The following CALN1 variants were observed in gnomAD, a reference collection of about 807,000 sequenced individuals.
CALN1 encodes calcium-binding protein 8.
In CALN1, 17 loss-of-function variants were observed where a neutral mutation model predicts 30.6. That is an observed-to-expected ratio of 0.56 (90% CI 0.38 to 0.83). The LOEUF is 0.83. CALN1 is among the 40% of genes least tolerant of loss of function. CALN1 has a pLI of 0.00. For missense variants in CALN1, 291 were observed against 354.9 expected (o/e 0.82, Z 1.45); for synonymous variants, 156 against 131.4 (o/e 1.19, Z -1.28).
At chr7:71,909,631 G>C (rs910047246) in intron 5 of CALN1, among the ~76,000 whole-genome samples, 1 of 152,190 alleles carries the variant, frequency 6.6e-6, no homozygotes, top group Non-Finnish European at 1.5e-5. Context: ...TACAATGACA[G>C]GCTTCCATAC....
At chr7:71,873,545 G>A (rs17340639) in intron 5 of CALN1, among the ~76,000 whole-genome samples, 27,434 of 152,134 alleles carry the variant, frequency 0.18, 2,836 homozygotes, top group Non-Finnish European at 0.23. Context: ...TCTCAAAAGC[G>A]TAGTGCATAA....
At chr7:72,477,417 C>T in the CALN1 span, among the ~76,000 whole-genome samples, 1 of 152,086 alleles carries the variant, frequency 6.6e-6, no homozygotes, top group East Asian at 1.9e-4. Context: ...TCTCCTTACC[C>T]CTTTTTTAAT....
In CALN1 at chr7:71,784,805, T is replaced by TG; in HGVS notation, c.*2969dup. On this transcript the variant is annotated 3_prime_UTR_variant, in exon 7 of 7. Transcript: ENST00000395275. ...AATTCCTGCGGAAGTCACTTCCAGC[T>TG]GGGGCTACATGGCATCCCTTGGGCA... is the stretch of plus-strand genomic sequence containing the variant. The TG allele has an allele frequency of 2.5e-6, 1 of 398,648 alleles. No homozygotes were observed. Among genetic ancestry groups the TG allele is most frequent in the Non-Finnish European group, 4.4e-6 (1 of 226,110 alleles). The allele number at this position is 398,648 out of a possible 1,614,324, so 24.7% of individuals were successfully genotyped here. A position where few individuals can be genotyped will look rare whatever the true frequency, so the allele number is the denominator to read the frequency against.
At chr7:72,433,595 GA>G (rs1438871463) in intron 1 of CALN1, among the ~76,000 whole-genome samples, 3 of 152,060 alleles carry the variant, frequency 2.0e-5, no homozygotes, top group Admixed American at 6.6e-5. Context: ...AGAGACTCCA[GA>G]AAACTCTCAG....
At chr7:72,393,448 A>T (rs1206049686) in intron 2 of CALN1, among the ~76,000 whole-genome samples, 1 of 152,196 alleles carries the variant, frequency 6.6e-6, no homozygotes, top group Non-Finnish European at 1.5e-5. Flanking sequence ...TGGGAGAGAG[A>T]GCAAGACTCC....
chr7:72,100,044 G>A (rs1398633526), intron 4 of CALN1, among the ~76,000 whole-genome samples: 1 of 152,044 alleles, frequency 6.6e-6, no homozygotes, highest in Non-Finnish European at 1.5e-5. Context: ...AATCAGGGAG[G>A]ATTTGCAATA....
At chr7:71,972,073 C>A (rs923607252) in intron 5 of CALN1, among the ~76,000 whole-genome samples, 3 of 151,400 alleles carry the variant, frequency 2.0e-5, no homozygotes, top group African/African-American at 7.3e-5. Flanking sequence ...TCAAGCTCAA[C>A]CCAACTAAAA....
intron 3 of CALN1, among the ~76,000 whole-genome samples, chr7:72,273,763 A>G (rs1238062634): frequency 4.6e-5 from 7 of 152,016 alleles, no homozygotes; most frequent in Admixed American, 3.9e-4. Context: ...TTCCTGCCTC[A>G]GCCTCCCAAA....
the CALN1 span, among the ~76,000 whole-genome samples, chr7:72,487,413 C>T: frequency 0.039 from 5,939 of 151,790 alleles, 367 homozygotes; most frequent in East Asian, 0.25. Flanking sequence ...TGGCCAGGTG[C>T]GGTGGCTCAT....
intron 5 of CALN1, among the ~76,000 whole-genome samples, chr7:71,886,309 C>G (rs1277129345): frequency 6.6e-6 from 1 of 152,234 alleles, no homozygotes; most frequent in Non-Finnish European, 1.5e-5. Flanking sequence ...ATAGGCTGGC[C>G]TGAAGTGCCC....
In CALN1 at chr7:72,163,075, G is replaced by A. The variant is rs1563111133; in HGVS notation, c.245-56781C>T. Among the ~76,000 whole-genome samples the A allele has an allele frequency of 1.3e-5, 2 of 152,186 alleles. 1 individual carries two copies. On this transcript the variant is annotated intron_variant, in intron 3 of 6. Transcript: ENST00000395275. ...CAGCTGCCGCCCTCCATAGAGGCTGGAGAGACAGAGTTTGGGGTTCAAATC... is the reference window on the plus strand; with the variant it reads ...CAGCTGCCGCCCTCCATAGAGGCTGAAGAGACAGAGTTTGGGGTTCAAATC...
At chr7:72,032,936 C>T (rs151004246) in intron 4 of CALN1, among the ~76,000 whole-genome samples, 2 of 152,308 alleles carry the variant, frequency 1.3e-5, no homozygotes, top group East Asian at 1.9e-4. Flanking sequence ...TGGTGAGTCT[C>T]TTCCTAGATC....
chr7:71,898,084 T>C (rs1793648927), intron 5 of CALN1, among the ~76,000 whole-genome samples: 1 of 141,598 alleles, frequency 7.1e-6, no homozygotes. Context: ...ACACAGACAT[T>C]GCAAATAAAG....
At chr7:72,206,549 CT>C (rs959987474) in intron 3 of CALN1, among the ~76,000 whole-genome samples, 4 of 151,954 alleles carry the variant, frequency 2.6e-5, no homozygotes, top group Non-Finnish European at 5.9e-5. Context: ...ACAAGCTTAT[CT>C]TTTTTTGTAT....
the CALN1 span, among the ~76,000 whole-genome samples, chr7:72,458,163 A>ATTTAATATATTTATATATATT: frequency 5.3e-5 from 7 of 131,120 alleles, 1 homozygote; most frequent in South Asian, 6.6e-4. Context: ...TTATATATAT[A>ATTTAATATATTTATATATATT]TTTTATTTTA....
intron 1 of CALN1, among the ~76,000 whole-genome samples, chr7:72,419,106 G>C (rs1054156849): frequency 4.6e-5 from 7 of 152,158 alleles, no homozygotes; most frequent in African/African-American, 1.7e-4. Context: ...GAAGATGGAT[G>C]CCCATCCCAG....
At chr7:71,917,584 G>T (rs1255837924) in intron 5 of CALN1, among the ~76,000 whole-genome samples, 1 of 152,068 alleles carries the variant, frequency 6.6e-6, no homozygotes. Context: ...GCATGGCTGG[G>T]GAGGCCTCAG....
At chr7:72,301,077 G>A (rs1232516155) in intron 2 of CALN1, among the ~76,000 whole-genome samples, 1 of 152,132 alleles carries the variant, frequency 6.6e-6, no homozygotes, top group Non-Finnish European at 1.5e-5. Context: ...GATCCCTGGA[G>A]GGCAGGATGA....
intron 5 of CALN1, among the ~76,000 whole-genome samples, chr7:71,941,350 CA>C (rs397759526): frequency 1.2e-3 from 160 of 128,382 alleles, no homozygotes; most frequent in African/African-American, 1.3e-3. Context: ...GACTGCATCT[CA>C]AAAAAAAAAA....
Sources: gnomAD v4.1 joint callset for allele counts (sites outside exome capture counted in the v4.1 genomes callset) on GRCh38, gnomAD v4.1.1 for gene constraint, MANE v1.5 for transcripts, NCBI Gene and HGNC (gene_info 2026-07-23, HGNC 2026-07-21) for gene names.